PBX1: variants seen among roughly 807,000 people sequenced by gnomAD.
The protein encoded by PBX1 is pre-B-cell leukemia transcription factor 1.
In PBX1, 6 loss-of-function variants were observed where a neutral mutation model predicts 53.4. The ratio of observed to expected loss-of-function variants is 0.11; its 90% CI spans 0.06 to 0.22. PBX1 has a LOEUF of 0.22. Among genes scored for constraint, PBX1 ranks in the 10% least tolerant of loss-of-function variants. PBX1 has a pLI of 1.00. For missense variants in PBX1, 251 were observed against 551.4 expected (o/e 0.46, Z 5.46); for synonymous variants, 204 against 212.3 (o/e 0.96, Z 0.34).
chr1:164,768,838 G>C (rs1455972725), intron 2 of PBX1, among the ~76,000 whole-genome samples: 1 of 150,498 alleles, frequency 6.6e-6, no homozygotes, highest in Non-Finnish European at 1.5e-5. Flanking sequence ...CAGATCACTT[G>C]AGGCCAGTAG....
Position 164,848,162 on chromosome 1 carries a change from A to G in PBX1, c.*1486A>G. 9.5e-7 allele frequency: 1 copy of G among 1,050,026 alleles called. No individual in the cohort carries two copies. The highest frequency in any genetic ancestry group is 1.7e-5 in the African/African-American group (1 of 60,336). The allele number at this position is 1,050,026 out of a possible 1,614,324, so 65.0% of individuals were successfully genotyped here. On this transcript the variant is annotated 3_prime_UTR_variant, in exon 9 of 9. Transcript: ENST00000420696. Reference sequence around the variant, plus strand: ...AGGTAATGTTTTCATTGAAATCATCACAGTGATTTTTATTCCCTGGGAACA... The same window carrying G: ...AGGTAATGTTTTCATTGAAATCATCGCAGTGATTTTTATTCCCTGGGAACA...
At chr1:164,577,741 C>T (rs568351917) in intron 2 of PBX1, among the ~76,000 whole-genome samples, 7 of 152,162 alleles carry the variant, frequency 4.6e-5, no homozygotes, top group African/African-American at 1.7e-4. Flanking sequence ...GGTTGAATTC[C>T]CTCATTACTT....
At chr1:164,668,620 A>G (rs959983952) in intron 2 of PBX1, among the ~76,000 whole-genome samples, 6 of 152,172 alleles carry the variant, frequency 3.9e-5, no homozygotes, top group South Asian at 4.1e-4. Flanking sequence ...TCTTGTGCTC[A>G]AGAGTGTCAA....
Position 164,618,305 on chromosome 1 carries a change from G to C in PBX1, c.265+54994G>C, listed in dbSNP as rs547347226. Among the ~76,000 whole-genome samples the C allele has an allele frequency of 5.0e-4, 75 of 150,952 alleles. 1 individual carries two copies. Among genetic ancestry groups the C allele is most frequent in the African/African-American group, 1.5e-3 (63 of 41,156 alleles). The stretch of plus-strand genomic sequence containing the variant: ...AGGGAGAATAATCACGGCGGGGGGG[G>C]GGGGGCACTCAAGATGATCAGCACT... On this transcript the variant is annotated intron_variant, in intron 2 of 8. Transcript: ENST00000420696.
chr1:164,881,440 G>A (rs1444332446), intron 2 of PBX1, among the ~76,000 whole-genome samples: 1 of 149,846 alleles, frequency 6.7e-6, no homozygotes, highest in Non-Finnish European at 1.5e-5. Flanking sequence ...AAGGAAGGGA[G>A]GAAGGAAAGG....
intron 2 of PBX1, among the ~76,000 whole-genome samples, chr1:164,688,239 CTT>C (rs1466300836): frequency 1.3e-5 from 2 of 152,156 alleles, no homozygotes; most frequent in African/African-American, 4.8e-5. Context: ...TTCAGATAGA[CTT>C]GAGGATAATT....
At chr1:164,884,579 G>C (rs750609047) in intron 2 of PBX1, 1 of 516,078 alleles carries the variant, frequency 1.9e-6, no homozygotes, top group South Asian at 1.6e-5. Flanking sequence ...GGATGCTCTG[G>C]TGGTGACAGC....
At chr1:164,742,912 A>G (rs1417636177) in intron 2 of PBX1, among the ~76,000 whole-genome samples, 6 of 152,224 alleles carry the variant, frequency 3.9e-5, no homozygotes, top group African/African-American at 9.6e-5. Flanking sequence ...GACAGAGATG[A>G]ATGTGAAATA....
At chr1:164,870,266 C>CTTCCTTCCTTCCT in intron 2 of PBX1, among the ~76,000 whole-genome samples, 1 of 45,214 alleles carries the variant, frequency 2.2e-5, no homozygotes, top group Admixed American at 3.0e-4. Flanking sequence ...TCCTTCCTTC[C>CTTCCTTCCTTCCT]TTCTTTCTTT....
intron 2 of PBX1, among the ~76,000 whole-genome samples, chr1:164,582,766 T>C (rs903772560): frequency 6.6e-6 from 1 of 152,168 alleles, no homozygotes; most frequent in Non-Finnish European, 1.5e-5. Context: ...TGATAGGCAT[T>C]GCCCTCAACG....
intron 6 of PBX1, chr1:164,815,385 T>C (rs1260982981): frequency 1.3e-5 from 2 of 152,246 alleles, no homozygotes; most frequent in African/African-American, 4.8e-5. Flanking sequence ...TTTGCTTAGC[T>C]GTGTGTTTGT....
intron 2 of PBX1, among the ~76,000 whole-genome samples, chr1:164,696,985 C>T (rs1662831783): frequency 6.6e-6 from 1 of 152,254 alleles, no homozygotes; most frequent in East Asian, 1.9e-4. Context: ...TATTTTGTGA[C>T]ATTAGCAGGT....
chr1:164,746,597 G>A (rs561744224), intron 2 of PBX1, among the ~76,000 whole-genome samples: 4 of 151,818 alleles, frequency 2.6e-5, no homozygotes, highest in East Asian at 3.9e-4. Context: ...GGCTGTTCTC[G>A]AACCCTTGAC....
At chr1:164,571,151 C>T (rs911838974) in intron 2 of PBX1, among the ~76,000 whole-genome samples, 1 of 152,044 alleles carries the variant, frequency 6.6e-6, no homozygotes. Flanking sequence ...TAGATTTATT[C>T]TTCATTATTT....
chr1:164,622,714 T>C (rs990285031), intron 2 of PBX1, among the ~76,000 whole-genome samples: 1 of 152,146 alleles, frequency 6.6e-6, no homozygotes, highest in African/African-American at 2.4e-5. Flanking sequence ...GAATCCAGGC[T>C]TAACCAGCTG....
chr1:164,659,062 G>A lies in PBX1; in HGVS notation c.265+95751G>A, dbSNP rs555674151. ...TAACCTCATAGCACAGTGTCTGATG[G>A]GTAGGAGGCACTAAGAAAGGGCTGA... On this transcript the variant is annotated intron_variant, in intron 2 of 8. Transcript: ENST00000420696. 2.0e-5 allele frequency among the ~76,000 whole-genome samples: 3 copies of A among 152,214 alleles called. No individual in the cohort carries two copies. In the East Asian group the frequency reaches 5.8e-4, roughly 29 times the overall value.
intron 2 of PBX1, among the ~76,000 whole-genome samples, chr1:164,727,329 A>T (rs1261905555): frequency 1.3e-5 from 2 of 152,228 alleles, no homozygotes; most frequent in African/African-American, 4.8e-5. Flanking sequence ...ATGCCTAAGT[A>T]GTTCTATTTA....
At chr1:164,681,835 T>TA (rs66530444) in intron 2 of PBX1, among the ~76,000 whole-genome samples, 25,702 of 151,614 alleles carry the variant, frequency 0.17, 2,466 homozygotes, top group Middle Eastern at 0.28. Flanking sequence ...AAACAAAAGT[T>TA]AAAAAAAAAT....
rs574906957 is a variant in PBX1 at position 164,795,366 on chromosome 1, C to A, written c.510+2628C>A. On this transcript the variant is annotated intron_variant, in intron 3 of 8. Coordinates refer to ENST00000420696, the MANE Select transcript of PBX1 (RefSeq NM_002585.4). The stretch of plus-strand genomic sequence containing the variant: ...TTGTCCTCTCTGTTACTTCCTTGGG[C>A]TAGATTACTGGCACCTAAGAGAGGG... Among the ~76,000 whole-genome samples, 6 of 152,278 alleles carry A rather than the reference C, an allele frequency of 3.9e-5. No individual in the cohort carries two copies. In the South Asian group the frequency reaches 1.0e-3, roughly 26 times the overall value.
Sources: allele counts gnomAD v4.1 joint callset (sites outside exome capture counted in the v4.1 genomes callset), GRCh38; gene constraint gnomAD v4.1.1; transcripts MANE v1.5; gene names NCBI Gene and HGNC (gene_info 2026-07-23, HGNC 2026-07-21).